The following PTPRT variants were observed in gnomAD, a reference collection of about 807,000 sequenced individuals.
PTPRT encodes the protein receptor-type tyrosine-protein phosphatase T.
In PTPRT, 56 loss-of-function variants were observed where a neutral mutation model predicts 176.8. The ratio of observed to expected loss-of-function variants is 0.32; its 90% CI spans 0.26 to 0.40. The LOEUF (loss-of-function observed/expected upper bound fraction) is 0.40, where lower values mean the gene tolerates loss of function less well. Among genes scored for constraint, PTPRT ranks in the 10% least tolerant of loss-of-function variants. PTPRT has a pLI of 1.00. For missense variants in PTPRT, 1,540 were observed against 1,908.2 expected (o/e 0.81, Z 3.60); for synonymous variants, 783 against 739.0 (o/e 1.06, Z -0.96).
the PTPRT span, among the ~76,000 whole-genome samples, chr20:42,051,587 G>A: frequency 1.3e-5 from 2 of 152,154 alleles, no homozygotes; most frequent in Admixed American, 1.3e-4. Flanking sequence ...GCTGAGACCA[G>A]CAGTCAGAGT....
At chr20:42,586,908 C>T (rs1360184736) in intron 7 of PTPRT, among the ~76,000 whole-genome samples, 1 of 152,152 alleles carries the variant, frequency 6.6e-6, no homozygotes, top group African/African-American at 2.4e-5. Flanking sequence ...GCTGGTCATG[C>T]CACCAAGTCA....
intron 6 of PTPRT, among the ~76,000 whole-genome samples, chr20:42,748,868 A>T (rs952485171): frequency 6.6e-6 from 1 of 151,938 alleles, no homozygotes; most frequent in African/African-American, 2.4e-5. Context: ...ACCTAGTAGG[A>T]TAGAGCTCCA....
intron 11 of PTPRT, among the ~76,000 whole-genome samples, chr20:42,322,928 C>T (rs2057822616): frequency 6.6e-6 from 1 of 152,026 alleles, no homozygotes; most frequent in African/African-American, 2.4e-5. Context: ...AAACTAACAA[C>T]CCCATCAAAA....
intron 1 of PTPRT, among the ~76,000 whole-genome samples, chr20:43,039,365 A>G (rs199718289): frequency 1.3e-5 from 1 of 76,840 alleles, no homozygotes; most frequent in Non-Finnish European, 2.2e-5. Context: ...ATAAAAAAAA[A>G]ACCACAAAAT....
At chr20:42,707,587 C>A (rs182037312) in intron 6 of PTPRT, among the ~76,000 whole-genome samples, 1 of 152,066 alleles carries the variant, frequency 6.6e-6, no homozygotes, top group South Asian at 2.1e-4. Flanking sequence ...GAGTGGCCAC[C>A]GGCTAATAGC....
At chr20:42,701,324 G>A (rs1251555804) in intron 6 of PTPRT, among the ~76,000 whole-genome samples, 3 of 152,326 alleles carry the variant, frequency 2.0e-5, no homozygotes, top group African/African-American at 7.2e-5. Flanking sequence ...GGTCACTGAT[G>A]TAACAGTAGG....
rs534955599 is a variant in PTPRT, at chr20:42,987,208, G to C, written c.89-101276C>G. Among the ~76,000 whole-genome samples the C allele has an allele frequency of 5.9e-5, 9 of 152,188 alleles. No homozygotes were observed. In the East Asian group the frequency reaches 1.7e-3, roughly 30 times the overall value. On this transcript the variant is annotated intron_variant, in intron 1 of 30. Coordinates refer to ENST00000373187, the MANE Select transcript of PTPRT (RefSeq NM_007050.6). ...TCCTCTGAGGTGATACCACTGCCCT[G>C]CCAGGAGCTTCTCCCCCAGCTGCCC...
intron 1 of PTPRT, among the ~76,000 whole-genome samples, chr20:43,158,028 T>C (rs2014573270): frequency 2.4e-5 from 1 of 42,464 alleles, no homozygotes; most frequent in African/African-American, 5.6e-5. Context: ...TGAGAGTAGA[T>C]TCTGTCAAGA....
chr20:43,065,674 G>A (rs1040162112), intron 1 of PTPRT, among the ~76,000 whole-genome samples: 3 of 152,208 alleles, frequency 2.0e-5, no homozygotes, highest in Admixed American at 2.0e-4. Flanking sequence ...AGAGGTTCAG[G>A]TAAGGTGGGA....
At chr20:42,904,858 A>G (rs1158913011) in intron 1 of PTPRT, among the ~76,000 whole-genome samples, 1 of 152,250 alleles carries the variant, frequency 6.6e-6, no homozygotes, top group Admixed American at 6.5e-5. Flanking sequence ...AAAACTGGCT[A>G]GCCATATGTA....
intron 7 of PTPRT, among the ~76,000 whole-genome samples, chr20:42,546,361 A>T (rs186767907): frequency 6.6e-6 from 1 of 152,244 alleles, no homozygotes; most frequent in Non-Finnish European, 1.5e-5. Flanking sequence ...CAGTTTGAAC[A>T]CTCAGCAGTG....
At chr20:42,589,085 G>A (rs78311206) in intron 7 of PTPRT, among the ~76,000 whole-genome samples, 2,668 of 152,274 alleles carry the variant, frequency 0.018, 74 homozygotes, top group African/African-American at 0.051. Context: ...CACCCACAGG[G>A]AAGAAACATG....
intron 1 of PTPRT, among the ~76,000 whole-genome samples, chr20:43,003,548 G>A (rs1398837382): frequency 6.6e-6 from 1 of 152,024 alleles, no homozygotes; most frequent in Admixed American, 6.6e-5. Flanking sequence ...ACAAAATGTC[G>A]GCCCTGAGCC....
chr20:42,665,209 G>C (rs1333434670), intron 7 of PTPRT, among the ~76,000 whole-genome samples: 8 of 151,782 alleles, frequency 5.3e-5, no homozygotes, highest in Non-Finnish European at 8.8e-5. Flanking sequence ...ATCTGACAAA[G>C]GGCTAATATC....
intron 6 of PTPRT, among the ~76,000 whole-genome samples, chr20:42,723,175 T>C (rs1274878208): frequency 2.0e-5 from 3 of 152,198 alleles, no homozygotes; most frequent in African/African-American, 4.8e-5. Context: ...AACATATAAA[T>C]GCTCAATCAG....
At chr20:42,662,449 T>C (rs902486774) in intron 7 of PTPRT, among the ~76,000 whole-genome samples, 1 of 152,150 alleles carries the variant, frequency 6.6e-6, no homozygotes, top group Non-Finnish European at 1.5e-5. Flanking sequence ...ACTAAATCTC[T>C]CTGGCCTTGG....
intron 2 of PTPRT, among the ~76,000 whole-genome samples, chr20:42,814,931 A>T (rs1447510456): frequency 6.6e-6 from 1 of 152,186 alleles, no homozygotes; most frequent in Non-Finnish European, 1.5e-5. Context: ...ACAACAGAAG[A>T]GAGAAAAGAG....
intron 9 of PTPRT, among the ~76,000 whole-genome samples, chr20:42,357,274 C>T (rs1195021619): frequency 6.6e-6 from 1 of 152,182 alleles, no homozygotes; most frequent in Non-Finnish European, 1.5e-5. Context: ...AGAGAAGTAG[C>T]AACAGATACC....
At chr20:42,683,280 T>G (rs1421949037) in intron 6 of PTPRT, among the ~76,000 whole-genome samples, 1 of 152,040 alleles carries the variant, frequency 6.6e-6, no homozygotes, top group African/African-American at 2.4e-5. Context: ...TTTTTTGTTT[T>G]GTTTTGTTTT....
Sources: gnomAD v4.1 joint callset for allele counts (sites outside exome capture counted in the v4.1 genomes callset) on GRCh38, gnomAD v4.1.1 for gene constraint, MANE v1.5 for transcripts, NCBI Gene and HGNC (gene_info 2026-07-23, HGNC 2026-07-21) for gene names.